Variants in KHDRBS3 observed in about 807,000 individuals in gnomAD.
The protein encoded by KHDRBS3 is KH domain-containing, RNA-binding, signal transduction-associated protein 3.
A neutral mutation model predicts 45.6 loss-of-function variants in KHDRBS3; 23 were observed. The observed-to-expected ratio is 0.50, with a 90% CI of 0.36 to 0.72. KHDRBS3 has a LOEUF of 0.72. Among genes scored for constraint, KHDRBS3 ranks in the 30% least tolerant of loss-of-function variants. KHDRBS3 has a pLI of 0.00. For missense variants in KHDRBS3, 352 were observed against 424.8 expected, an observed-to-expected ratio of 0.83 and a Z score of 1.51; for synonymous variants, 162 against 156.5, an observed-to-expected ratio of 1.04 and a Z score of -0.26.
intron 6 of KHDRBS3, among the ~76,000 whole-genome samples, chr8:135,586,125 C>T (rs1828459391): frequency 1.3e-5 from 2 of 152,112 alleles, no homozygotes; most frequent in Admixed American, 6.5e-5. Context: ...TGAGAAACTG[C>T]TCTCCACAAG....
intron 1 of KHDRBS3, among the ~76,000 whole-genome samples, chr8:135,469,827 A>G (rs1460805937): frequency 3.3e-5 from 5 of 152,244 alleles, no homozygotes; most frequent in Admixed American, 1.3e-4. Context: ...GCGCCCGGCC[A>G]GGACCACCTA....
rs117913452 is a variant in KHDRBS3 at position 135,501,911 on chromosome 8, A to G, written c.89-19326A>G. Among the ~76,000 whole-genome samples, 65 of 152,334 alleles carry G rather than the reference A, an allele frequency of 4.3e-4. 1 individual carries two copies. In the East Asian group the frequency reaches 0.011, roughly 26 times the overall value. On this transcript the variant is annotated intron_variant, in intron 1 of 8. Transcript: ENST00000355849. ...GTATGAATTCTTTCACTGAATTCAC[A>G]CTGTCACATCTTGCACTTTTTGCAC...
At chr8:135,498,479 A>G (rs1354150030) in intron 1 of KHDRBS3, among the ~76,000 whole-genome samples, 1 of 151,866 alleles carries the variant, frequency 6.6e-6, no homozygotes, top group African/African-American at 2.4e-5. Context: ...GATAGATTTC[A>G]TAGCCCTGCC....
intron 7 of KHDRBS3, among the ~76,000 whole-genome samples, chr8:135,618,962 C>T (rs759972989): frequency 3.9e-5 from 6 of 152,126 alleles, no homozygotes; most frequent in Non-Finnish European, 8.8e-5. Context: ...ATCATTGGCA[C>T]CTTCGTTATC....
intron 1 of KHDRBS3, among the ~76,000 whole-genome samples, chr8:135,513,621 G>A (rs933108879): frequency 6.6e-5 from 10 of 151,992 alleles, no homozygotes; most frequent in African/African-American, 1.7e-4. Flanking sequence ...TTACTTAGCC[G>A]TTAAGAATTC....
At chr8:135,470,746 C>T (rs1821976580) in intron 1 of KHDRBS3, among the ~76,000 whole-genome samples, 1 of 152,042 alleles carries the variant, frequency 6.6e-6, no homozygotes, top group African/African-American at 2.4e-5. Flanking sequence ...CCAGCACACC[C>T]AGCTAATTTT....
At chr8:135,623,222 C>CTG (rs1191166149) in intron 7 of KHDRBS3, among the ~76,000 whole-genome samples, 147 of 152,302 alleles carry the variant, frequency 9.7e-4, no homozygotes, top group Non-Finnish European at 1.8e-3. Context: ...CGATAAGGAT[C>CTG]TGTTCTCTTG....
At chr8:135,622,115 C>T (rs1830170914) in intron 7 of KHDRBS3, among the ~76,000 whole-genome samples, 1 of 152,160 alleles carries the variant, frequency 6.6e-6, no homozygotes, top group South Asian at 2.1e-4. Flanking sequence ...TCCATCATAA[C>T]TGCAATTTTA....
At chr8:135,536,787 C>T (rs1458323639) in intron 2 of KHDRBS3, among the ~76,000 whole-genome samples, 5 of 149,466 alleles carry the variant, frequency 3.3e-5, no homozygotes, top group South Asian at 4.3e-4. Flanking sequence ...GGTGAAACCC[C>T]GTCTCTACTA....
intron 3 of KHDRBS3, among the ~76,000 whole-genome samples, chr8:135,545,612 GCTTA>G (rs1826260310): frequency 6.6e-6 from 1 of 152,110 alleles, no homozygotes; most frequent in Non-Finnish European, 1.5e-5. Context: ...GTGCACCCTA[GCTTA>G]CTTCTGGCTC....
At position 135,462,477 on chromosome 8, in the gene KHDRBS3, G is replaced by A. The variant is rs182093139; in HGVS notation, c.88+4523G>A. On this transcript the variant is annotated intron_variant, in intron 1 of 8. Transcript: ENST00000355849. ...GAAGCTCCTGCTCTCCTCTGTGTGCGTTTGAGAATGAATTTTCGGTTTGTA... is the reference window on the plus strand; with the variant it reads ...GAAGCTCCTGCTCTCCTCTGTGTGCATTTGAGAATGAATTTTCGGTTTGTA... Among the ~76,000 whole-genome samples the A allele has an allele frequency of 2.6e-5, 4 of 152,224 alleles. No homozygotes were observed. In the East Asian group the frequency reaches 5.8e-4, roughly 22 times the overall value.
intron 7 of KHDRBS3, among the ~76,000 whole-genome samples, chr8:135,634,536 A>G (rs1830731980): frequency 6.6e-6 from 1 of 152,218 alleles, no homozygotes; most frequent in Admixed American, 6.5e-5. Flanking sequence ...CCTAAAGAAA[A>G]TTATTTATTT....
chr8:135,567,411 A>G (rs1315834933), intron 5 of KHDRBS3, among the ~76,000 whole-genome samples: 2 of 152,182 alleles, frequency 1.3e-5, no homozygotes, highest in Non-Finnish European at 2.9e-5. Context: ...AATTATTGAA[A>G]TGTACTATTT....
chr8:135,572,229 T>G (rs4369025), intron 5 of KHDRBS3, among the ~76,000 whole-genome samples: 26,725 of 151,618 alleles, frequency 0.18, 2,481 homozygotes, highest in East Asian at 0.35. Context: ...TGGAAGACAG[T>G]GGGTGATACA....
At position 135,490,975 on chromosome 8, in the gene KHDRBS3, A is replaced by G. The variant is rs77467503; in HGVS notation, c.89-30262A>G. ...TTATTAAACATTACTTGTCAGAGAT[A>G]TGGGTGTTTCTTTGCGTTTCTTTGG... is the stretch of plus-strand genomic sequence containing the variant. On this transcript the variant is annotated intron_variant, in intron 1 of 8. Coordinates refer to ENST00000355849, the MANE Select transcript of KHDRBS3 (RefSeq NM_006558.3). 7.3e-3 allele frequency among the ~76,000 whole-genome samples: 1,108 copies of G among 152,286 alleles called. 10 individuals are homozygous for G. The highest frequency in any genetic ancestry group is 0.025 in the African/African-American group (1,048 of 41,554).
chr8:135,611,075 A>G (rs1388242244), intron 7 of KHDRBS3, among the ~76,000 whole-genome samples: 1 of 151,924 alleles, frequency 6.6e-6, no homozygotes, highest in East Asian at 1.9e-4. Context: ...ATCAGGAAAG[A>G]TTCACTAAAA....
intron 7 of KHDRBS3, among the ~76,000 whole-genome samples, chr8:135,611,690 C>T (rs1270678529): frequency 6.6e-6 from 1 of 151,832 alleles, no homozygotes; most frequent in East Asian, 1.9e-4. Flanking sequence ...TTAGAACCCA[C>T]TCTAAAGGCC....
In KHDRBS3 at chr8:135,490,115, G is replaced by A. The variant is rs192552018; in HGVS notation, c.89-31122G>A. 4.6e-5 allele frequency among the ~76,000 whole-genome samples: 7 copies of A among 152,274 alleles called. No individual in the cohort carries two copies. In the East Asian group the frequency reaches 7.7e-4, roughly 17 times the overall value. On this transcript the variant is annotated intron_variant, in intron 1 of 8. Transcript: ENST00000355849. ...TAAAAGCCTACACCATGTAGCCTAG[G>A]TGTGTAGTGGACTGTACCCCTAGGT...
chr8:135,581,435 A>G (rs887123769), intron 5 of KHDRBS3, among the ~76,000 whole-genome samples: 1 of 152,204 alleles, frequency 6.6e-6, no homozygotes, highest in Admixed American at 6.5e-5. Flanking sequence ...ATTTTGGCAT[A>G]TATTTTGGCC....
Sources: allele counts gnomAD v4.1 joint callset (sites outside exome capture counted in the v4.1 genomes callset), GRCh38; gene constraint gnomAD v4.1.1; transcripts MANE v1.5; gene names NCBI Gene and HGNC (gene_info 2026-07-23, HGNC 2026-07-21).